The following SCN10A variants were observed in gnomAD, a reference collection of about 807,000 sequenced individuals.
SCN10A encodes the protein sodium channel protein type 10 subunit alpha.
A neutral mutation model predicts 170.7 loss-of-function variants in SCN10A; 162 were observed. The observed-to-expected ratio is 0.95, with a 90% confidence interval of 0.84 to 1.08. The LOEUF is 1.08. Among genes scored for constraint, SCN10A ranks in the 50% least tolerant of loss-of-function variants. The pLI is 0.00. For missense variants in SCN10A, 2,527 were observed against 2,436.9 expected, an observed-to-expected ratio of 1.04 and a Z score of -0.78; for synonymous variants, 985 against 904.6, an observed-to-expected ratio of 1.09 and a Z score of -1.59.
chr3:38,698,022 G>A lies in SCN10A; in HGVS notation c.5198C>T (p.Thr1733Ile). 1 of 1,614,194 alleles carries A rather than the reference G, an allele frequency of 6.2e-7. No homozygotes were observed. Among genetic ancestry groups the A allele is most frequent in the Non-Finnish European group, 8.5e-7 (1 of 1,180,042 alleles). ...ENFNVATEES[T>I]EPLSEDDFDM... ...AAAGTCGTCCTCACTCAGGGGCTCA[G>A]TGCTCTCCTCCGTGGCCACATTGAA... The change falls in exon 28 of 28, where the codon ACT becomes ATT. Residue 1733 changes from threonine to isoleucine, a missense_variant. By Grantham distance (89) the Thr-to-Ile change is moderately conservative (BLOSUM62 -1). Transcript: ENST00000449082.
At chr3:38,738,882 A>G (rs1386585837) in intron 15 of SCN10A, among the ~76,000 whole-genome samples, 2 of 152,188 alleles carry the variant, frequency 1.3e-5, no homozygotes, top group Non-Finnish European at 2.9e-5. Flanking sequence ...CCATCATTGC[A>G]TGTGAGTGAG....
chr3:38,726,807 A>C lies in SCN10A; in HGVS notation c.2886T>G (p.Ile962Met). 1 of 1,611,912 alleles carries C rather than the reference A, an allele frequency of 6.2e-7. No individual in the cohort carries two copies. Among genetic ancestry groups the C allele is most frequent in the South Asian group, 1.1e-5 (1 of 91,048 alleles). The change falls in exon 17 of 28, where the codon ATT (isoleucine) becomes ATG (methionine). Residue 962 changes from isoleucine to methionine, a missense_variant. Transcript: ENST00000449082. ...AGCTCCCCCTGGCAGTGTTGGCAGCAATGTGGTTCTCAGCCTTGGAGCTGG... is the reference window on the plus strand; with the variant it reads ...AGCTCCCCCTGGCAGTGTTGGCAGCCATGTGGTTCTCAGCCTTGGAGCTGG... ...PLSSSKAENH[I>M]AANTARGSSG... is the part of the protein sequence containing the mutation.
intron 17 of SCN10A, 95 bp from the exon 18 acceptor site, chr3:38,725,409 C>A: frequency 7.9e-7 from 1 of 1,266,050 alleles, no homozygotes; most frequent in South Asian, 1.8e-5. Context: ...GCTGCCAGAG[C>A]CAAGAGTTTC....
chr3:38,725,352 C>A (rs1483829688), intron 17 of SCN10A, 38 bp from the exon 18 acceptor site: 6 of 1,526,014 alleles, frequency 3.9e-6, no homozygotes, highest in Non-Finnish European at 4.4e-6. Flanking sequence ...CCTGGCCCCA[C>A]CCTTAGATGA....
At position 38,698,299 on chromosome 3, in the gene SCN10A, T is replaced by TGTC. The variant is rs1191179265; in HGVS notation, c.4918_4920dup (p.Asp1640dup). The TGTC allele has an allele frequency of 6.2e-7, 1 of 1,614,006 alleles. No homozygotes were observed. The highest frequency in any genetic ancestry group is 1.3e-5 in the African/African-American group (1 of 74,884). On this transcript the variant is annotated inframe_insertion, in exon 28 of 28. Coordinates refer to ENST00000449082, the MANE Select transcript of SCN10A (RefSeq NM_006514.4). ...TTGGCGAAGGTCTGGAAGTTGAACA[T>TGTC]GTCGTCGATGCCAGCCTCCCACCTC... is the stretch of plus-strand genomic sequence containing the variant.
chr3:38,708,953 A>T (rs779715334), intron 25 of SCN10A, among the ~76,000 whole-genome samples: 36 of 152,138 alleles, frequency 2.4e-4, no homozygotes, highest in Non-Finnish European at 5.9e-5. Flanking sequence ...AATACTTTAT[A>T]CCTTTATTGC....
chr3:38,737,837 T>C (rs932466830), intron 15 of SCN10A, among the ~76,000 whole-genome samples: 1 of 79,786 alleles, frequency 1.3e-5, no homozygotes, highest in Non-Finnish European at 2.4e-5. Flanking sequence ...TCTTTCTCTT[T>C]CTTCTTTCTT....
intron 26 of SCN10A, among the ~76,000 whole-genome samples, chr3:38,706,032 T>C (rs968937108): frequency 7.2e-5 from 11 of 152,206 alleles, no homozygotes; most frequent in African/African-American, 2.4e-4. Context: ...CTTGATTGTA[T>C]GGGTGATTTA....
intron 1 of SCN10A, among the ~76,000 whole-genome samples, chr3:38,809,610 T>C (rs1389222018): frequency 6.6e-6 from 1 of 152,190 alleles, no homozygotes; most frequent in Non-Finnish European, 1.5e-5. Context: ...TAGACTTGAG[T>C]CCCAGACACA....
At chr3:38,723,961 G>T (rs539406222) in intron 18 of SCN10A, among the ~76,000 whole-genome samples, 1 of 152,210 alleles carries the variant, frequency 6.6e-6, no homozygotes, top group African/African-American at 2.4e-5. Context: ...TGGTGGGGCG[G>T]GTCCCCATTT....
At chr3:38,812,532 G>A (rs1408118108) in intron 1 of SCN10A, among the ~76,000 whole-genome samples, 1 of 151,986 alleles carries the variant, frequency 6.6e-6, no homozygotes, top group Non-Finnish European at 1.5e-5. Flanking sequence ...AAAAACATAT[G>A]CAAACACCTG....
chr3:38,749,355 C>G (rs1418096858), intron 13 of SCN10A, among the ~76,000 whole-genome samples: 1 of 152,178 alleles, frequency 6.6e-6, no homozygotes, highest in Non-Finnish European at 1.5e-5. Flanking sequence ...GTTGCATTCT[C>G]CATACCCTAA....
chr3:38,770,948 G>A (rs974006995), intron 5 of SCN10A, among the ~76,000 whole-genome samples: 3 of 152,056 alleles, frequency 2.0e-5, no homozygotes, highest in African/African-American at 7.2e-5. Context: ...TTACATTCCA[G>A]GTAAGGGTAA....
At chr3:38,775,497 T>A (rs1285248217) in intron 4 of SCN10A, among the ~76,000 whole-genome samples, 4 of 152,198 alleles carry the variant, frequency 2.6e-5, no homozygotes, top group African/African-American at 9.6e-5. Context: ...ATTTGGCTAT[T>A]GTGAATAACG....
intron 15 of SCN10A, among the ~76,000 whole-genome samples, chr3:38,733,696 C>A (rs1483577424): frequency 6.6e-5 from 10 of 151,820 alleles, no homozygotes. Context: ...CTTTCCTTTT[C>A]TTTTTTAAAT....
chr3:38,715,367 G>A (rs1377090063), intron 21 of SCN10A, among the ~76,000 whole-genome samples: 1 of 152,124 alleles, frequency 6.6e-6, no homozygotes, highest in African/African-American at 2.4e-5. Flanking sequence ...ACTGCACCAT[G>A]CATCTATTCT....
intron 15 of SCN10A, among the ~76,000 whole-genome samples, chr3:38,736,534 T>A (rs1047513898): frequency 6.6e-6 from 1 of 152,096 alleles, no homozygotes; most frequent in Admixed American, 6.6e-5. Context: ...GTGATTTTTC[T>A]CCAGCATTTC....
intron 27 of SCN10A, among the ~76,000 whole-genome samples, chr3:38,701,027 C>T (rs779524550): frequency 7.9e-5 from 12 of 152,176 alleles, no homozygotes; most frequent in Admixed American, 2.0e-4. Context: ...TGTGACCCTG[C>T]ATAATATTCT....
chr3:38,760,814 T>C, intron 7 of SCN10A, 67 bp from the exon 8 acceptor site: 1 of 1,291,776 alleles, frequency 7.7e-7, no homozygotes. Flanking sequence ...CCTTGTGTGG[T>C]GAATGCAATA....
Sources: allele counts gnomAD v4.1 joint callset (sites outside exome capture counted in the v4.1 genomes callset), GRCh38; gene constraint gnomAD v4.1.1; transcripts MANE v1.5; gene names NCBI Gene and HGNC (gene_info 2026-07-23, HGNC 2026-07-21).